DENND1B: variants seen among roughly 807,000 people sequenced by gnomAD.
DENND1B encodes DENN domain containing 1B, also known as DENN domain-containing protein 1B.
Under a neutral mutation model 90.1 loss-of-function variants are expected in DENND1B, and 59 were observed. That is an observed-to-expected ratio of 0.65 (90% confidence interval 0.53 to 0.81). The LOEUF (loss-of-function observed/expected upper bound fraction) is 0.81. Ranked by LOEUF, DENND1B falls within the 40% of genes least tolerant of loss-of-function variation. DENND1B has a pLI of 0.00. For synonymous variants in DENND1B, 337 were observed against 324.6 expected (o/e 1.04, Z -0.41); for missense variants, 862 against 912.6 (o/e 0.94, Z 0.71).
At position 197,508,205 on chromosome 1, in the gene DENND1B, T is replaced by G. The variant is rs1472905436; in HGVS notation, c.*2255A>C. 1 of 151,626 alleles carries G rather than the reference T, an allele frequency of 6.6e-6. No individual in the cohort carries two copies. Among genetic ancestry groups the G allele is most frequent in the Non-Finnish European group, 1.5e-5 (1 of 67,754 alleles). The allele number at this position is 151,626 out of a possible 1,614,324, so 9.4% of individuals were successfully genotyped here. A position where few individuals can be genotyped will look rare whatever the true frequency, so the allele number is the denominator to read the frequency against. The stretch of plus-strand genomic sequence containing the variant: ...AAAAAAACAAACAAAAAACCATACC[T>G]CATTTCAAAATTCATATTAAAATGC... On this transcript the variant is annotated 3_prime_UTR_variant, in exon 23 of 23. Coordinates refer to ENST00000620048, the MANE Select transcript of DENND1B (RefSeq NM_001195215.2).
At chr1:197,670,675 T>C (rs1655414177) in intron 5 of DENND1B, among the ~76,000 whole-genome samples, 1 of 152,070 alleles carries the variant, frequency 6.6e-6, no homozygotes, top group African/African-American at 2.4e-5. Flanking sequence ...ACAGCTTTGG[T>C]CTTTCCATTA....
intron 13 of DENND1B, among the ~76,000 whole-genome samples, chr1:197,600,902 G>A (rs1216965304): frequency 6.6e-6 from 1 of 151,508 alleles, no homozygotes; most frequent in African/African-American, 2.4e-5. Context: ...TTACTATTAA[G>A]CTGGAGAAGA....
At chr1:197,540,659 C>T (rs1670269084) in intron 19 of DENND1B, among the ~76,000 whole-genome samples, 1 of 152,082 alleles carries the variant, frequency 6.6e-6, no homozygotes, top group Admixed American at 6.5e-5. Flanking sequence ...TAGCATAAAG[C>T]AAGAACTTCA....
intron 10 of DENND1B, among the ~76,000 whole-genome samples, chr1:197,633,441 C>A (rs546147310): frequency 1.3e-5 from 2 of 152,230 alleles, no homozygotes; most frequent in East Asian, 3.9e-4. Context: ...CAAACTTTGT[C>A]AGGAGAGGGT....
intron 2 of DENND1B, among the ~76,000 whole-genome samples, chr1:197,760,533 C>T (rs1023341431): frequency 1.3e-5 from 2 of 151,192 alleles, no homozygotes; most frequent in African/African-American, 4.9e-5. Flanking sequence ...CCCAGCTACT[C>T]GGGAGGCTGA....
intron 5 of DENND1B, among the ~76,000 whole-genome samples, chr1:197,667,667 C>T (rs980502919): frequency 6.6e-6 from 1 of 152,046 alleles, no homozygotes; most frequent in Non-Finnish European, 1.5e-5. Context: ...CCAAAGCACT[C>T]GGATTACAGG....
chr1:197,657,312 C>CAG (rs1653943140), intron 6 of DENND1B, among the ~76,000 whole-genome samples: 4 of 152,152 alleles, frequency 2.6e-5, no homozygotes, highest in Non-Finnish European at 5.9e-5. Context: ...TATTGAGACA[C>CAG]AGATAAAAGA....
At chr1:197,627,779 C>A (rs922358290) in intron 10 of DENND1B, among the ~76,000 whole-genome samples, 4 of 152,078 alleles carry the variant, frequency 2.6e-5, no homozygotes, top group African/African-American at 7.2e-5. Flanking sequence ...TATAGAAAAC[C>A]CCATTGTCTC....
At chr1:197,734,660 T>C (rs1490427117) in intron 2 of DENND1B, 10 of 984,986 alleles carry the variant, frequency 1.0e-5, no homozygotes, top group African/African-American at 1.7e-5. Context: ...TTCAAAACCC[T>C]ACAAACAGAC....
chr1:197,525,844 A>AT (rs1669099559), intron 20 of DENND1B, among the ~76,000 whole-genome samples: 1 of 152,174 alleles, frequency 6.6e-6, no homozygotes, highest in South Asian at 2.1e-4. Context: ...TTGGTGTCAG[A>AT]ATCAAATAAT....
chr1:197,538,042 A>G (rs1670045180), intron 20 of DENND1B, among the ~76,000 whole-genome samples: 1 of 152,120 alleles, frequency 6.6e-6, no homozygotes, highest in African/African-American at 2.4e-5. Context: ...TGAAAAATAA[A>G]TTAATTAAAA....
chr1:197,594,701 A>G (rs1282426008), intron 14 of DENND1B, among the ~76,000 whole-genome samples: 1 of 152,182 alleles, frequency 6.6e-6, no homozygotes, highest in Non-Finnish European at 1.5e-5. Flanking sequence ...GAATGAGAAA[A>G]TGAGCTAAGA....
At chr1:197,775,882 CCCCTGGCTCTTGCGTCACT>C (rs1657237192), upstream of DENND1B, among the ~76,000 whole-genome samples, 1 of 152,190 alleles carries the variant, frequency 6.6e-6, no homozygotes, top group Non-Finnish European at 1.5e-5. Context: ...CAAGTTGATG[CCCCTGGCTCTTGCGTCACT>C]CCAGCTGTGG....
intron 9 of DENND1B, 96 bp downstream of exon 9, chr1:197,645,594 A>G (rs1320257699): frequency 3.5e-6 from 2 of 571,276 alleles, no homozygotes; most frequent in Non-Finnish European, 5.7e-6. Context: ...ATTACAATGT[A>G]TCCTATTTCT....
Position 197,507,858 on chromosome 1 carries a change from A to T in DENND1B, c.*2602T>A, listed in dbSNP as rs1667799149. The T allele has an allele frequency of 6.6e-6, 1 of 151,690 alleles. No individual in the cohort carries two copies. The highest frequency in any genetic ancestry group is 2.1e-4 in the South Asian group (1 of 4,834). 9.4% of individuals were successfully genotyped at this position (151,690 alleles called of 1,614,324 possible). On this transcript the variant is annotated 3_prime_UTR_variant, in exon 23 of 23. Transcript: ENST00000620048. Reference sequence around the variant, plus strand: ...TCAAAATTTTACTGGTTTGAAATACAAATACTTGGTAGTATTATTCTGGAT... The same window carrying T: ...TCAAAATTTTACTGGTTTGAAATACTAATACTTGGTAGTATTATTCTGGAT...
At chr1:197,529,201 G>A (rs1359026498) in intron 20 of DENND1B, among the ~76,000 whole-genome samples, 1 of 59,656 alleles carries the variant, frequency 1.7e-5, no homozygotes, top group East Asian at 5.0e-4. Context: ...ATAGTTAAGA[G>A]TGATATATAT....
intron 1 of DENND1B, 144 bp from the exon 2 acceptor site, chr1:197,773,076 A>G: frequency 5.4e-6 from 4 of 734,436 alleles, no homozygotes; most frequent in Non-Finnish European, 9.3e-6. Flanking sequence ...AGAAATAACA[A>G]TGAAACTGTT....
intron 3 of DENND1B, among the ~76,000 whole-genome samples, chr1:197,676,819 G>C (rs1572285660): frequency 6.6e-6 from 1 of 152,044 alleles, no homozygotes; most frequent in Non-Finnish European, 1.5e-5. Context: ...ATTTTGGGGG[G>C]TTTTGGGTTC....
intron 1 of DENND1B, among the ~76,000 whole-genome samples, chr1:197,774,841 G>A (rs1657072078): frequency 6.6e-6 from 1 of 152,188 alleles, no homozygotes; most frequent in Non-Finnish European, 1.5e-5. Context: ...GGTGTCAGGG[G>A]CCGCCCGGCC....
Sources: allele counts gnomAD v4.1 joint callset (sites outside exome capture counted in the v4.1 genomes callset), GRCh38; gene constraint gnomAD v4.1.1; transcripts MANE v1.5; gene names NCBI Gene and HGNC (gene_info 2026-07-23, HGNC 2026-07-21).